ABLIM2: variants seen among roughly 807,000 people sequenced by gnomAD.
The protein encoded by ABLIM2 is actin-binding LIM protein 2.
Under a neutral mutation model 97.7 loss-of-function variants are expected in ABLIM2, and 53 were observed. The observed-to-expected ratio is 0.54, with a 90% confidence interval of 0.44 to 0.68. The LOEUF is 0.68. Ranked by LOEUF, ABLIM2 falls within the 30% of genes least tolerant of loss-of-function variation. The pLI is 0.00. For missense variants in ABLIM2, 835 were observed against 867.2 expected (o/e 0.96, Z 0.47); for synonymous variants, 361 against 345.8 (o/e 1.04, Z -0.49).
intron 1 of ABLIM2, among the ~76,000 whole-genome samples, chr4:8,143,938 G>T (rs1013955651): frequency 6.6e-6 from 1 of 152,162 alleles, no homozygotes; most frequent in Non-Finnish European, 1.5e-5. Flanking sequence ...TCCTCGGGGA[G>T]CGGCAGGTCC....
rs2152341526 is a variant in ABLIM2 at position 8,072,362 on chromosome 4, G to C, written c.675+5266C>G. Reference sequence around the variant, plus strand: ...AAACCCACTTTGCTCGCCCAGTGCGGAGCGTGCCTGAGGCAGAGCAGCCCC... The same window carrying C: ...AAACCCACTTTGCTCGCCCAGTGCGCAGCGTGCCTGAGGCAGAGCAGCCCC... On this transcript the variant is annotated intron_variant, in intron 6 of 20. Coordinates refer to ENST00000447017, the MANE Select transcript of ABLIM2 (RefSeq NM_001130083.2). The surrounding 1 kb of genome is among the most constrained non-coding windows in gnomAD (Gnocchi z 5.8). Among the ~76,000 whole-genome samples the C allele has an allele frequency of 6.6e-6, 1 of 152,318 alleles. No individual in the cohort carries two copies. Among genetic ancestry groups the C allele is most frequent in the East Asian group, 1.9e-4 (1 of 5,166 alleles).
chr4:8,013,690 C>G (rs1310514089), intron 14 of ABLIM2, among the ~76,000 whole-genome samples: 1 of 152,232 alleles, frequency 6.6e-6, no homozygotes, highest in East Asian at 1.9e-4. Flanking sequence ...TCCTCCACGT[C>G]ACACGTGTAA....
chr4:7,984,750 C>T (rs745990292), intron 18 of ABLIM2, 89 bp downstream of exon 18: 44 of 1,387,904 alleles, frequency 3.2e-5, no homozygotes, highest in East Asian at 7.9e-5. Context: ...CTGCAGGCTG[C>T]GGATGGGGTG....
intron 3 of ABLIM2, 32 bp from the exon 4 acceptor site, chr4:8,088,316 C>T (rs1258428461): frequency 1.9e-6 from 3 of 1,574,582 alleles, no homozygotes; most frequent in African/African-American, 2.7e-5. Flanking sequence ...CCAGCCAGGC[C>T]CACCTTCTGG....
At chr4:8,117,798 T>C (rs1486405226) in intron 1 of ABLIM2, among the ~76,000 whole-genome samples, 1 of 152,182 alleles carries the variant, frequency 6.6e-6, no homozygotes, top group Non-Finnish European at 1.5e-5. Flanking sequence ...AAGCAGGGTG[T>C]CCTGGCCAAT....
At chr4:8,100,749 G>GAAAAAAAAAAAAAAAAAAAAAAAAAACAA (rs57318831) in intron 2 of ABLIM2, among the ~76,000 whole-genome samples, 1 of 100,216 alleles carries the variant, frequency 1.0e-5, no homozygotes, top group African/African-American at 4.0e-5. Flanking sequence ...TCCATCTCAG[G>GAAAAAAAAAAAAAAAAAAAAAAAAAACAA]AAAAAAAAAA....
intron 1 of ABLIM2, among the ~76,000 whole-genome samples, chr4:8,154,432 C>A (rs1033727483): frequency 2.6e-5 from 4 of 151,086 alleles, no homozygotes; most frequent in African/African-American, 4.9e-5. Flanking sequence ...CAGGCACCCA[C>A]CACCACACCC....
At position 8,019,314 on chromosome 4, in the gene ABLIM2, T is replaced by C. The variant is rs193279695; in HGVS notation, c.1423+304A>G. 1.1e-4 allele frequency among the ~76,000 whole-genome samples: 17 copies of C among 152,284 alleles called. No homozygotes were observed. Among genetic ancestry groups the C allele is most frequent in the African/African-American group, 2.4e-4 (10 of 41,540 alleles). On this transcript the variant is annotated intron_variant, in intron 14 of 20. Transcript: ENST00000447017. The surrounding 1 kb of genome is among the most constrained non-coding windows in gnomAD (Gnocchi z 4.3). The stretch of plus-strand genomic sequence containing the variant: ...GGCTAAAGTCTCTCTGGCTGCATAA[T>C]TGAAGGCGCCACCACCAGGCTCTTG...
At chr4:8,009,577 G>A (rs2001288) in intron 14 of ABLIM2, among the ~76,000 whole-genome samples, 26,847 of 151,982 alleles carry the variant, frequency 0.18, 2,550 homozygotes, top group Admixed American at 0.28. Context: ...TATATTTTTG[G>A]AAGAGATGGG....
chr4:8,156,453 C>T (rs546767876), intron 1 of ABLIM2, among the ~76,000 whole-genome samples: 3 of 152,296 alleles, frequency 2.0e-5, no homozygotes, highest in South Asian at 4.1e-4. Flanking sequence ...TATAAACAAT[C>T]GCTCTGGCCA....
chr4:7,975,804 A>G (rs981908354), intron 20 of ABLIM2, among the ~76,000 whole-genome samples: 11 of 152,204 alleles, frequency 7.2e-5, no homozygotes, highest in African/African-American at 1.9e-4. Flanking sequence ...TGTTTTGGGA[A>G]CTTAGAGTTA....
chr4:8,056,686 A>G (rs961887168), intron 7 of ABLIM2, among the ~76,000 whole-genome samples: 1 of 151,870 alleles, frequency 6.6e-6, no homozygotes, highest in African/African-American at 2.4e-5. Flanking sequence ...TAATCCCAGC[A>G]CTTTGGGAGG....
At position 8,033,708 on chromosome 4, in the gene ABLIM2, G is replaced by A. The variant is rs1337586770; in HGVS notation, c.1047+2441C>T. On this transcript the variant is annotated intron_variant, in intron 10 of 20. Transcript: ENST00000447017. This position sits in a 1 kb window ranked among gnomAD's most constrained non-coding sequence, Gnocchi z 4.5. ...CCCCTTCTCTGCCCTCTGGGGACAG[G>A]TCCTGGGGTCAGGATCATCCATGGT... is the stretch of plus-strand genomic sequence containing the variant. Among the ~76,000 whole-genome samples the A allele has an allele frequency of 1.3e-5, 2 of 152,224 alleles. No individual in the cohort carries two copies. The highest frequency in any genetic ancestry group is 6.5e-5 in the Admixed American group (1 of 15,282).
At chr4:8,154,373 C>T (rs1377205285) in intron 1 of ABLIM2, among the ~76,000 whole-genome samples, 2 of 150,650 alleles carry the variant, frequency 1.3e-5, no homozygotes, top group Admixed American at 6.6e-5. Context: ...CCTCTGACTC[C>T]CTGGTTCAAG....
chr4:7,969,978 C>T (rs2149353393), intron 20 of ABLIM2, among the ~76,000 whole-genome samples: 1 of 152,296 alleles, frequency 6.6e-6, no homozygotes, highest in Non-Finnish European at 1.5e-5. Flanking sequence ...ACATTTGACA[C>T]TCAATGTGTC....
In ABLIM2 at chr4:8,155,591, A is replaced by G. The variant is rs1471977480; in HGVS notation, c.10+3089T>C. Among the ~76,000 whole-genome samples, 1 of 152,198 alleles carries G rather than the reference A, an allele frequency of 6.6e-6. No individual in the cohort carries two copies. The highest frequency in any genetic ancestry group is 1.5e-5 in the Non-Finnish European group (1 of 68,032). On this transcript the variant is annotated intron_variant, in intron 1 of 20. Transcript: ENST00000447017. This position sits in a 1 kb window ranked among gnomAD's most constrained non-coding sequence, Gnocchi z 4.2. ...CCCTGTTATGGACTGAATTGTCTAA[A>G]TTCATATGCTGAAGTCCTAACCCCC... is the stretch of plus-strand genomic sequence containing the variant.
chr4:8,114,515 C>T (rs1314252163), intron 1 of ABLIM2, among the ~76,000 whole-genome samples: 1 of 152,148 alleles, frequency 6.6e-6, no homozygotes, highest in African/African-American at 2.4e-5. Flanking sequence ...CCCTACTGCC[C>T]CGCCCAAGTG....
In ABLIM2 at chr4:8,069,539, A is replaced by G. The variant is rs1810365908; in HGVS notation, c.675+8089T>C. 1.3e-5 allele frequency among the ~76,000 whole-genome samples: 2 copies of G among 152,116 alleles called. No individual in the cohort carries two copies. Among genetic ancestry groups the G allele is most frequent in the Non-Finnish European group, 2.9e-5 (2 of 68,006 alleles). On this transcript the variant is annotated intron_variant, in intron 6 of 20. Coordinates refer to ENST00000447017, the MANE Select transcript of ABLIM2 (RefSeq NM_001130083.2). The surrounding 1 kb of genome is among the most constrained non-coding windows in gnomAD (Gnocchi z 4.2). ...CATGAGGCAAGGCAGGAAGGCAGAGATGCGGCAAAGGGTGTGTGCGCATGT... is the reference window on the plus strand; with the variant it reads ...CATGAGGCAAGGCAGGAAGGCAGAGGTGCGGCAAAGGGTGTGTGCGCATGT...
rs60992903 is a variant in ABLIM2 at position 8,056,112 on chromosome 4, C to CAAA, written c.764-1869_764-1867dup. Among the ~76,000 whole-genome samples, 15 of 68,356 alleles carry CAAA rather than the reference C, an allele frequency of 2.2e-4. 1 individual carries two copies. The highest frequency in any genetic ancestry group is 8.1e-4 in the African/African-American group (12 of 14,840). 44.8% of individuals were successfully genotyped at this position (68,356 alleles called of 152,430 possible). ...TGGGTAACAGAGCAAGACTCTGTCT[C>CAAA]AAAAAAAAAAAAAAAAAAAAAAAAA... On this transcript the variant is annotated intron_variant, in intron 7 of 20. Transcript: ENST00000447017.
Sources: gnomAD v4.1 joint callset for allele counts (sites outside exome capture counted in the v4.1 genomes callset) on GRCh38, gnomAD v4.1.1 for gene constraint, Gnocchi (gnomAD v3.1) non-coding constraint, MANE v1.5 for transcripts, NCBI Gene and HGNC (gene_info 2026-07-23, HGNC 2026-07-21) for gene names.